Variants in MYRIP observed in about 807,000 individuals in gnomAD.
The protein encoded by MYRIP is myosin VIIA and Rab interacting protein, also known as rab effector MyRIP.
MYRIP carries 49 observed loss-of-function variants against 98.0 expected under a neutral mutation model. That is an observed-to-expected ratio of 0.50 (90% CI 0.40 to 0.63). The LOEUF is 0.63. Ranked by LOEUF, MYRIP falls within the 30% of genes least tolerant of loss-of-function variation. The pLI is 0.00. For synonymous variants in MYRIP, 404 were observed against 409.5 expected (o/e 0.99, Z 0.16); for missense variants, 1,004 against 1,058.2 (o/e 0.95, Z 0.71).
intron 3 of MYRIP, among the ~76,000 whole-genome samples, chr3:40,077,650 T>C (rs1378805727): frequency 6.6e-6 from 1 of 151,402 alleles, no homozygotes; most frequent in Non-Finnish European, 1.5e-5. Flanking sequence ...GAGTGCCAAC[T>C]GGTGTATTTA....
At chr3:40,124,078 T>A (rs1949467179) in intron 3 of MYRIP, among the ~76,000 whole-genome samples, 1 of 152,148 alleles carries the variant, frequency 6.6e-6, no homozygotes, top group South Asian at 2.1e-4. Context: ...AGAACCTCAC[T>A]TCTGCCATAT....
At chr3:40,136,807 C>A (rs1034394946) in intron 3 of MYRIP, among the ~76,000 whole-genome samples, 4 of 152,160 alleles carry the variant, frequency 2.6e-5, no homozygotes, top group Non-Finnish European at 4.4e-5. Context: ...GAAATGAAGG[C>A]AGAAATAAAT....
intron 8 of MYRIP, chr3:40,173,394 T>G (rs1458316326): frequency 6.6e-6 from 1 of 152,218 alleles, no homozygotes; most frequent in Non-Finnish European, 1.5e-5. Context: ...CTGGATCTCC[T>G]TGTCATGCAT....
At chr3:39,874,865 A>T (rs9809379) in intron 1 of MYRIP, among the ~76,000 whole-genome samples, 98,166 of 152,000 alleles carry the variant, frequency 0.65, 33,348 homozygotes, top group African/African-American at 0.87. Context: ...TAAAATGAGT[A>T]AGGGAAGATT....
At chr3:39,909,147 C>T (rs1943955686) in intron 2 of MYRIP, among the ~76,000 whole-genome samples, 1 of 151,950 alleles carries the variant, frequency 6.6e-6, no homozygotes, top group Non-Finnish European at 1.5e-5. Context: ...TGGGGGAAGG[C>T]CTAGGAGGAG....
At chr3:39,888,259 C>T (rs1474542572) in intron 1 of MYRIP, among the ~76,000 whole-genome samples, 1 of 152,110 alleles carries the variant, frequency 6.6e-6, no homozygotes, top group African/African-American at 2.4e-5. Flanking sequence ...GGAGGCATCA[C>T]ACTACCTGAT....
chr3:40,219,594 T>C, intron 11 of MYRIP, among the ~76,000 whole-genome samples: 1 of 152,134 alleles, frequency 6.6e-6, no homozygotes, highest in Non-Finnish European at 1.5e-5. Flanking sequence ...GTTTGGTTTT[T>C]TGTCCTTGCG....
At chr3:40,110,419 C>A (rs548712395) in intron 3 of MYRIP, among the ~76,000 whole-genome samples, 1 of 152,300 alleles carries the variant, frequency 6.6e-6, no homozygotes, top group South Asian at 2.1e-4. Context: ...AAAGAAGTAA[C>A]CTCAAAGGAT....
intron 11 of MYRIP, among the ~76,000 whole-genome samples, chr3:40,227,678 T>G (rs1217270143): frequency 6.6e-6 from 1 of 152,168 alleles, no homozygotes; most frequent in Non-Finnish European, 1.5e-5. Context: ...AAGAAAAATG[T>G]TTCAAGACTG....
intron 2 of MYRIP, among the ~76,000 whole-genome samples, chr3:39,946,117 A>C (rs970653637): frequency 3.3e-5 from 5 of 152,160 alleles, no homozygotes; most frequent in African/African-American, 1.2e-4. Flanking sequence ...AATAAAACAC[A>C]AAATAAAATG....
At chr3:40,025,215 C>G (rs1468709438) in intron 2 of MYRIP, among the ~76,000 whole-genome samples, 2 of 152,126 alleles carry the variant, frequency 1.3e-5, no homozygotes, top group East Asian at 3.9e-4. Context: ...TGTCCAGGTT[C>G]TGGATTAAAA....
intron 1 of MYRIP, among the ~76,000 whole-genome samples, chr3:39,884,118 C>A (rs62261658): frequency 0.034 from 5,193 of 152,182 alleles, 112 homozygotes; most frequent in Non-Finnish European, 0.05. Context: ...TGGATTGTAG[C>A]TGATATCTGA....
intron 8 of MYRIP, among the ~76,000 whole-genome samples, chr3:40,179,455 A>T (rs1379493018): frequency 6.6e-6 from 1 of 152,220 alleles, no homozygotes; most frequent in African/African-American, 2.4e-5. Flanking sequence ...CCGTCCCATA[A>T]AAAAGGACCC....
In MYRIP at chr3:39,951,725, G is replaced by A. The variant is rs148010929; in HGVS notation, c.110+50799G>A. Among the ~76,000 whole-genome samples, 10 of 152,046 alleles carry A rather than the reference G, an allele frequency of 6.6e-5. No homozygotes were observed. The East Asian group carries it at 1.9e-3, about 29-fold the overall frequency. On this transcript the variant is annotated intron_variant, in intron 2 of 16. Coordinates refer to ENST00000302541, the MANE Select transcript of MYRIP (RefSeq NM_015460.4). ...ATGGACCATACAAAAACAGGTGAGG[G>A]GCCTGATTTGGCCCACAGGTCATAG...
At chr3:39,871,570 TC>T (rs1029235664) in intron 1 of MYRIP, among the ~76,000 whole-genome samples, 41 of 152,262 alleles carry the variant, frequency 2.7e-4, no homozygotes, top group African/African-American at 9.9e-4. Flanking sequence ...GTCTTTCGAC[TC>T]AATTTCTCTC....
At chr3:40,251,581 T>A (rs2125723605) in intron 15 of MYRIP, among the ~76,000 whole-genome samples, 1 of 152,342 alleles carries the variant, frequency 6.6e-6, no homozygotes, top group Admixed American at 6.5e-5. Flanking sequence ...TCCAAAGTTG[T>A]AAAAATTTGC....
intron 2 of MYRIP, among the ~76,000 whole-genome samples, chr3:39,953,537 G>C: frequency 6.6e-6 from 1 of 152,132 alleles, no homozygotes; most frequent in East Asian, 1.9e-4. Context: ...ATCAGCTTAA[G>C]AAAATTTACT....
At chr3:39,983,703 G>A (rs1945950856) in intron 2 of MYRIP, among the ~76,000 whole-genome samples, 1 of 152,128 alleles carries the variant, frequency 6.6e-6, no homozygotes, top group Non-Finnish European at 1.5e-5. Context: ...GATATACAAA[G>A]TCACTCATTA....
intron 3 of MYRIP, among the ~76,000 whole-genome samples, chr3:40,094,195 C>T (rs1948780891): frequency 6.6e-6 from 1 of 152,188 alleles, no homozygotes. Flanking sequence ...TGTTTCTGCT[C>T]ATCTTGTTTT....
Sources: allele counts gnomAD v4.1 joint callset (sites outside exome capture counted in the v4.1 genomes callset), GRCh38; gene constraint gnomAD v4.1.1; transcripts MANE v1.5; gene names NCBI Gene and HGNC (gene_info 2026-07-23, HGNC 2026-07-21).